Variants in NUP133 observed in about 807,000 individuals in gnomAD.
NUP133 encodes nucleoporin 133.
A neutral mutation model predicts 146.2 loss-of-function variants in NUP133; 66 were observed. The ratio of observed to expected loss-of-function variants is 0.45; its 90% CI spans 0.37 to 0.55. The LOEUF (loss-of-function observed/expected upper bound fraction) is 0.55, where lower values mean the gene tolerates loss of function less well. NUP133 is among the 20% of genes least tolerant of loss of function. NUP133 has a pLI of 0.00. For missense variants in NUP133, 1,277 were observed against 1,374.8 expected (o/e 0.93, Z 1.12); for synonymous variants, 521 against 498.8 (o/e 1.04, Z -0.59).
chr1:229,470,852 T>A, intron 14 of NUP133, 48 bp from the exon 15 acceptor site: 2 of 1,545,508 alleles, frequency 1.3e-6, no homozygotes, highest in South Asian at 2.2e-5. Flanking sequence ...TATGGTAACA[T>A]GCAAAATACC....
chr1:229,453,224 G>A (rs1338670292), intron 21 of NUP133, among the ~76,000 whole-genome samples: 1 of 152,062 alleles, frequency 6.6e-6, no homozygotes. Flanking sequence ...CTCCCCAAAA[G>A]CTTAACTGCT....
chr1:229,476,580 T>A (rs946256875), intron 13 of NUP133, among the ~76,000 whole-genome samples: 1 of 152,136 alleles, frequency 6.6e-6, no homozygotes, highest in African/African-American at 2.4e-5. Flanking sequence ...GGGGAATGGA[T>A]CATTTCTATT....
intron 25 of NUP133, among the ~76,000 whole-genome samples, chr1:229,442,953 C>T (rs894455264): frequency 6.6e-6 from 1 of 151,768 alleles, no homozygotes; most frequent in African/African-American, 2.4e-5. Context: ...GTGATCCACC[C>T]ACCTCAGTCT....
chr1:229,482,203 C>T (rs1571927973), intron 12 of NUP133, among the ~76,000 whole-genome samples: 1 of 151,878 alleles, frequency 6.6e-6, no homozygotes, highest in Admixed American at 6.6e-5. Context: ...CAGTAGATCA[C>T]GAGGTACAGA....
In NUP133 at chr1:229,464,872, G is replaced by C; in HGVS notation, c.2303C>G (p.Thr768Arg). 6.2e-7 allele frequency: 1 copy of C among 1,613,690 alleles called. No individual in the cohort carries two copies. Among genetic ancestry groups the C allele is most frequent in the South Asian group, 1.1e-5 (1 of 91,068 alleles). The change falls in exon 18 of 26, where the codon ACA becomes AGA. Residue 768 changes from threonine to arginine, a missense_variant. Around this residue, in one of 3 missense-constraint regions of NUP133, gnomAD observed 952 missense variants for 1,047.0 expected, o/e 0.91. Transcript: ENST00000261396. ...CGTTCGGATGCCACCAGGACCACTT[G>C]TTGCTGTGAAATTACACAAAATAAT... ...KEPEYVPWTA[T>R]SGPGGIRTVI... is the part of the protein sequence containing the mutation.
intron 1 of NUP133, 25 bp from the exon 2 acceptor site, chr1:229,506,183 T>C: frequency 1.5e-6 from 2 of 1,326,472 alleles, no homozygotes; most frequent in Non-Finnish European, 2.1e-6. Flanking sequence ...CTATATTACC[T>C]TACTTGTAAC....
At chr1:229,489,771 T>C (rs897334658) in intron 9 of NUP133, among the ~76,000 whole-genome samples, 184 bp downstream of exon 9, 1 of 152,206 alleles carries the variant, frequency 6.6e-6, no homozygotes, top group Non-Finnish European at 1.5e-5. Flanking sequence ...CTCGGGAGGC[T>C]GAGGCAGGAG....
chr1:229,460,854 C>G, intron 19 of NUP133, 85 bp from the exon 20 acceptor site: 1 of 1,146,360 alleles, frequency 8.7e-7, no homozygotes, highest in Non-Finnish European at 1.2e-6. Context: ...GTTCTAAAGG[C>G]CTCCAAAACA....
At chr1:229,484,790 A>G (rs998301583) in intron 11 of NUP133, among the ~76,000 whole-genome samples, 35 of 152,324 alleles carry the variant, frequency 2.3e-4, no homozygotes, top group African/African-American at 8.2e-4. Flanking sequence ...CAATTACAAA[A>G]TAGATATTAA....
chr1:229,451,616 T>C (rs973568833), intron 22 of NUP133, among the ~76,000 whole-genome samples: 4 of 151,144 alleles, frequency 2.6e-5, no homozygotes, highest in Non-Finnish European at 5.9e-5. Flanking sequence ...CCATCTTCCT[T>C]TCCCAAAAAC....
In NUP133 at chr1:229,464,826, C is replaced by T. The variant is rs1660775134; in HGVS notation, c.2349G>A (p.Glu783=). The T allele has an allele frequency of 6.2e-7, 1 of 1,614,088 alleles. No individual in the cohort carries two copies. Among genetic ancestry groups the T allele is most frequent in the Non-Finnish European group, 8.5e-7 (1 of 1,180,046 alleles). ...GTGGATAAGCCACCTTCAGGACAATCTCATGCTGGCGTATTATTACCGTTC... is the reference window on the plus strand; with the variant it reads ...GTGGATAAGCCACCTTCAGGACAATTTCATGCTGGCGTATTATTACCGTTC... The part of the protein sequence containing the change: ...GIRTVIIRQH[E]IVLKVAYPQA... Residue 783 remains glutamate, a synonymous_variant, in exon 18 of 26, where the codon GAG becomes GAA. Coordinates refer to ENST00000261396, the MANE Select transcript of NUP133 (RefSeq NM_018230.3).
chr1:229,483,623 T>C (rs1661272180), intron 12 of NUP133, among the ~76,000 whole-genome samples: 1 of 146,158 alleles, frequency 6.8e-6, no homozygotes, highest in African/African-American at 2.5e-5. Context: ...GAGAATCGCT[T>C]GAACCCGGGA....
intron 25 of NUP133, among the ~76,000 whole-genome samples, chr1:229,443,636 G>A (rs915310577): frequency 6.6e-6 from 1 of 151,480 alleles, no homozygotes; most frequent in Non-Finnish European, 1.5e-5. Context: ...ATATTAAGAA[G>A]GTTCCAAAAG....
At chr1:229,478,653 T>C (rs1661135948) in intron 12 of NUP133, among the ~76,000 whole-genome samples, 1 of 152,090 alleles carries the variant, frequency 6.6e-6, no homozygotes, top group Admixed American at 6.5e-5. Context: ...TTAGAGAGAT[T>C]AGGGGACAAC....
At chr1:229,476,075 T>C (rs973310693) in intron 13 of NUP133, among the ~76,000 whole-genome samples, 5 of 151,282 alleles carry the variant, frequency 3.3e-5, no homozygotes, top group Non-Finnish European at 5.9e-5. Flanking sequence ...CGCCACTGCA[T>C]TCCAGCCTGG....
chr1:229,458,357 G>T, intron 20 of NUP133, 61 bp from the exon 21 acceptor site: 1 of 1,549,160 alleles, frequency 6.5e-7, no homozygotes, highest in Non-Finnish European at 8.8e-7. Context: ...TGAAACAAAG[G>T]TAAGTAAACC....
At chr1:229,476,928 C>CAAAA (rs745478707) in intron 13 of NUP133, among the ~76,000 whole-genome samples, 1,461 of 71,908 alleles carry the variant, frequency 0.02, 48 homozygotes, top group African/African-American at 0.064. Context: ...ACCCTGTTTC[C>CAAAA]AAAAAAAAAA....
intron 18 of NUP133, 98 bp downstream of exon 18, chr1:229,464,526 T>C: frequency 7.2e-7 from 1 of 1,395,678 alleles, no homozygotes. Context: ...TTTATTACAG[T>C]TGGATTAACA....
intron 12 of NUP133, among the ~76,000 whole-genome samples, chr1:229,480,562 A>G (rs1458790840): frequency 1.3e-5 from 2 of 152,222 alleles, no homozygotes; most frequent in African/African-American, 4.8e-5. Context: ...TACCTTAGCA[A>G]AAGATTAAAC....
Sources: gnomAD v4.1 joint callset for allele counts (sites outside exome capture counted in the v4.1 genomes callset) on GRCh38, gnomAD v4.1.1 for gene constraint, gnomAD v4.1.1 regional missense constraint, MANE v1.5 for transcripts, NCBI Gene and HGNC (gene_info 2026-07-23, HGNC 2026-07-21) for gene names.